Variants in PLEKHA2 observed in about 807,000 individuals in gnomAD.
PLEKHA2 encodes pleckstrin homology domain containing A2, also known as pleckstrin homology domain-containing family A member 2.
In PLEKHA2, 28 loss-of-function variants were observed where a neutral mutation model predicts 53.2. That is an observed-to-expected ratio of 0.53 (90% CI 0.39 to 0.72). The LOEUF (loss-of-function observed/expected upper bound fraction) is 0.72. Ranked by LOEUF, PLEKHA2 falls within the 30% of genes least tolerant of loss-of-function variation. The pLI, the probability that PLEKHA2 is intolerant of heterozygous loss-of-function variation, is 0.00. For synonymous variants in PLEKHA2, 193 were observed against 196.4 expected (o/e 0.98, Z 0.14); for missense variants, 426 against 537.9 (o/e 0.79, Z 2.06).
intron 6 of PLEKHA2, 109 bp from the exon 7 acceptor site, chr8:38,952,057 C>T: frequency 7.3e-7 from 1 of 1,364,124 alleles, no homozygotes; most frequent in Non-Finnish European, 1.0e-6. Flanking sequence ...CCATTTATTT[C>T]TTCTTTGACT....
At chr8:38,918,524 A>ACT (rs1834111060) in intron 2 of PLEKHA2, among the ~76,000 whole-genome samples, 1 of 146,686 alleles carries the variant, frequency 6.8e-6, no homozygotes, top group African/African-American at 2.5e-5. Flanking sequence ...CCATACACAC[A>ACT]TGCACACACA....
At chr8:38,911,206 CAG>C (rs746743330) in intron 1 of PLEKHA2, among the ~76,000 whole-genome samples, 5 of 151,388 alleles carry the variant, frequency 3.3e-5, no homozygotes, top group African/African-American at 7.3e-5. Context: ...CATCTAGAGA[CAG>C]GGGTATCTAG....
At chr8:38,949,730 GTTTTTC>G in intron 5 of PLEKHA2, among the ~76,000 whole-genome samples, 1 of 152,298 alleles carries the variant, frequency 6.6e-6, no homozygotes, top group African/African-American at 2.4e-5. Context: ...TTTGTAATAT[GTTTTTC>G]TTTTTAGTTG....
intron 1 of PLEKHA2, among the ~76,000 whole-genome samples, chr8:38,902,657 T>C (rs979446380): frequency 1.3e-5 from 2 of 152,246 alleles, no homozygotes; most frequent in African/African-American, 2.4e-5. Flanking sequence ...TCATTTTTTT[T>C]CTTTGGTTGC....
chr8:38,912,756 C>T (rs1833972586), intron 1 of PLEKHA2, among the ~76,000 whole-genome samples: 1 of 152,166 alleles, frequency 6.6e-6, no homozygotes, highest in African/African-American at 2.4e-5. Context: ...ATGTTGTGTG[C>T]AGCATCTGAA....
intron 1 of PLEKHA2, among the ~76,000 whole-genome samples, chr8:38,906,174 T>G (rs139484820): frequency 6.6e-6 from 1 of 152,252 alleles, no homozygotes; most frequent in South Asian, 2.1e-4. Flanking sequence ...TCAGCTTTTA[T>G]AGGCTGTAAA....
At chr8:38,952,563 C>A in intron 7 of PLEKHA2, 73 bp from the exon 8 acceptor site, 1 of 1,502,300 alleles carries the variant, frequency 6.7e-7, no homozygotes, top group Non-Finnish European at 9.1e-7. Flanking sequence ...TCCTTGGGAG[C>A]TTAGCATGAG....
chr8:38,931,576 A>T (rs1354557397), intron 2 of PLEKHA2, among the ~76,000 whole-genome samples: 2 of 152,162 alleles, frequency 1.3e-5, no homozygotes, highest in Non-Finnish European at 2.9e-5. Context: ...GGAACCTGGG[A>T]GATGTCACGA....
At chr8:38,958,960 G>A (rs1182182920) in intron 10 of PLEKHA2, among the ~76,000 whole-genome samples, 1 of 152,130 alleles carries the variant, frequency 6.6e-6, no homozygotes, top group Non-Finnish European at 1.5e-5. Context: ...AAACGATTCC[G>A]TATGACACTG....
intron 6 of PLEKHA2, among the ~76,000 whole-genome samples, chr8:38,951,241 G>A (rs1176828436): frequency 6.6e-6 from 1 of 152,116 alleles, no homozygotes; most frequent in African/African-American, 2.4e-5. Context: ...GCCGAACACG[G>A]GAGACACAGA....
chr8:38,952,131 A>T lies in PLEKHA2; in HGVS notation c.487-35A>T, dbSNP rs368161329. 16 of 1,596,794 alleles carry T rather than the reference A, an allele frequency of 1.0e-5. No individual in the cohort carries two copies. In the African/African-American group the frequency reaches 2.0e-4, roughly 20 times the overall value. On this transcript the variant is annotated intron_variant, in intron 6 of 11. Transcript: ENST00000617275. ...GGTGGGGCTGTGGCTGCATAGAGGG[A>T]GGGAGGCGCTGATACTGACACTGTT... is the stretch of plus-strand genomic sequence containing the variant.
chr8:38,938,539 C>T (rs1834539319), intron 3 of PLEKHA2, among the ~76,000 whole-genome samples: 1 of 152,266 alleles, frequency 6.6e-6, no homozygotes. Flanking sequence ...TGCCTGGCCG[C>T]TGACGAGCTT....
At chr8:38,901,543 CCTGGCGG>C (rs1165901710) in intron 1 of PLEKHA2, 98 bp downstream of exon 1, 1 of 151,758 alleles carries the variant, frequency 6.6e-6, no homozygotes, top group Non-Finnish European at 1.5e-5. Flanking sequence ...CCGGCGGAGG[CCTGGCGG>C]CCTAGGGGCG....
At chr8:38,908,233 C>G (rs956652528) in intron 1 of PLEKHA2, among the ~76,000 whole-genome samples, 21 of 152,134 alleles carry the variant, frequency 1.4e-4, no homozygotes, top group Admixed American at 1.1e-3. Flanking sequence ...AGCAAGGGAC[C>G]ACACCAGCAG....
At chr8:38,950,308 AC>A (rs1162075758) in intron 5 of PLEKHA2, among the ~76,000 whole-genome samples, 1 of 152,018 alleles carries the variant, frequency 6.6e-6, no homozygotes, top group African/African-American at 2.4e-5. Context: ...TGCTGGGGTT[AC>A]AGGTGTGAGG....
At chr8:38,914,554 G>A (rs1349969223) in intron 1 of PLEKHA2, among the ~76,000 whole-genome samples, 1 of 152,236 alleles carries the variant, frequency 6.6e-6, no homozygotes, top group East Asian at 1.9e-4. Context: ...GTGGACAGAG[G>A]GCCTTCATGG....
At chr8:38,942,961 G>A (rs890970418) in intron 3 of PLEKHA2, among the ~76,000 whole-genome samples, 3 of 152,202 alleles carry the variant, frequency 2.0e-5, no homozygotes, top group African/African-American at 7.2e-5. Flanking sequence ...AGGCCATCAG[G>A]GCAGATGTAA....
chr8:38,951,016 G>C (rs747636141), intron 6 of PLEKHA2, 26 bp downstream of exon 6: 20 of 1,607,104 alleles, frequency 1.2e-5, no homozygotes, highest in Middle Eastern at 3.3e-4. Flanking sequence ...GGGGCTGCGG[G>C]GGGAGTGGGG....
At position 38,955,677 on chromosome 8, in the gene PLEKHA2, C is replaced by A. The variant is rs576106529; in HGVS notation, c.774-1646C>A. On this transcript the variant is annotated intron_variant, in intron 9 of 11. Coordinates refer to ENST00000617275, the MANE Select transcript of PLEKHA2 (RefSeq NM_021623.2). ...TCTCATGCACTCCTTTGCCCAGGTA[C>A]CTGTGGCACTGGCCGAGGTAGTGCC... 2.6e-5 allele frequency among the ~76,000 whole-genome samples: 4 copies of A among 152,322 alleles called. No homozygotes were observed. The South Asian group carries it at 8.3e-4, about 32-fold the overall frequency.
Sources: allele counts gnomAD v4.1 joint callset (sites outside exome capture counted in the v4.1 genomes callset), GRCh38; gene constraint gnomAD v4.1.1; transcripts MANE v1.5; gene names NCBI Gene and HGNC (gene_info 2026-07-23, HGNC 2026-07-21).